Variants in CLEC16A observed in about 807,000 individuals in gnomAD.
The protein encoded by CLEC16A is protein CLEC16A.
Under a neutral mutation model 109.5 loss-of-function variants are expected in CLEC16A, and 51 were observed. That is an observed-to-expected ratio of 0.47 (90% CI 0.37 to 0.59). The LOEUF (loss-of-function observed/expected upper bound fraction) is 0.59. Ranked by LOEUF, CLEC16A falls within the 20% of genes least tolerant of loss-of-function variation. The pLI, the probability that CLEC16A is intolerant of heterozygous loss-of-function variation, is 0.00. For synonymous variants in CLEC16A, 673 were observed against 564.2 expected (o/e 1.19, Z -2.73); for missense variants, 1,339 against 1,394.0 (o/e 0.96, Z 0.63).
At chr16:11,156,074 G>A (rs1351792545) in intron 22 of CLEC16A, among the ~76,000 whole-genome samples, 5 of 152,070 alleles carry the variant, frequency 3.3e-5, no homozygotes, top group African/African-American at 4.8e-5. Flanking sequence ...AGAATCTGGC[G>A]CTCCTGGCCG....
At chr16:11,169,693 G>A (rs1004574337) in intron 23 of CLEC16A, among the ~76,000 whole-genome samples, 7 of 152,174 alleles carry the variant, frequency 4.6e-5, no homozygotes, top group African/African-American at 9.7e-5. Flanking sequence ...TCTAGCCCAC[G>A]GTTTTGAACA....
chr16:11,055,916 C>T (rs1485719945), intron 18 of CLEC16A, among the ~76,000 whole-genome samples: 4 of 152,092 alleles, frequency 2.6e-5, no homozygotes, highest in African/African-American at 4.8e-5. Flanking sequence ...AACCACATCA[C>T]TTATTCTTTC....
chr16:11,110,864 A>C (rs1225274102), intron 19 of CLEC16A, among the ~76,000 whole-genome samples: 1 of 152,272 alleles, frequency 6.6e-6, no homozygotes, highest in African/African-American at 2.4e-5. Flanking sequence ...CCCAGTCTGC[A>C]CAGTGCTAAA....
chr16:11,060,931 CCT>C lies in CLEC16A; in HGVS notation c.2026_2027del (p.Leu676ValfsTer9). On this transcript the variant is annotated frameshift_variant, in exon 19 of 24. Coordinates refer to ENST00000409790, the MANE Select transcript of CLEC16A (RefSeq NM_015226.3). LOFTEE classifies it high-confidence loss of function. Reference sequence around the variant, plus strand: ...TCCGGGTGTTCTTCATGCTGCGTTCCCTGTCACTGCAATTGCGAGGGGAGCCT... The same window carrying C: ...TCCGGGTGTTCTTCATGCTGCGTTCCGTCACTGCAATTGCGAGGGGAGCCT... ...AIRVFFMLRSLSLQLRGEPET... is the reference protein window; with the variant it reads ...AIRVFFMLRSXSLQLRGEPET... 6.2e-7 allele frequency: 1 copy of C among 1,612,360 alleles called. No homozygotes were observed. Among genetic ancestry groups the C allele is most frequent in the Non-Finnish European group, 8.5e-7 (1 of 1,179,252 alleles).
At chr16:11,159,734 G>T (rs926837748) in intron 22 of CLEC16A, among the ~76,000 whole-genome samples, 14 of 126,934 alleles carry the variant, frequency 1.1e-4, no homozygotes, top group African/African-American at 3.9e-4. Context: ...TTTCCCTGTG[G>T]TCTTAGCTCC....
intron 22 of CLEC16A, among the ~76,000 whole-genome samples, chr16:11,132,127 A>C (rs1043861049): frequency 7.9e-5 from 12 of 152,146 alleles, no homozygotes; most frequent in Admixed American, 5.9e-4. Context: ...ATTCAGTGGC[A>C]TTTAGAACCT....
In CLEC16A at chr16:11,003,016, G is replaced by A. The variant is rs978188543; in HGVS notation, c.1072-58G>A. On this transcript the variant is annotated intron_variant, in intron 10 of 23. Coordinates refer to ENST00000409790, the MANE Select transcript of CLEC16A (RefSeq NM_015226.3). The stretch of plus-strand genomic sequence containing the variant: ...ACAGAAACTTTTGGGCAACTTGATA[G>A]CATCCAGCAGGATTCTAGTGTTCAA... The A allele has an allele frequency of 1.0e-5, 14 of 1,399,368 alleles. No individual in the cohort carries two copies. The Admixed American group carries it at 2.2e-4, about 22-fold the overall frequency. The allele number at this position is 1,399,368 out of a possible 1,614,324, so 86.7% of individuals were successfully genotyped here. A position where few individuals can be genotyped will look rare whatever the true frequency, so the allele number is the denominator to read the frequency against.
intron 18 of CLEC16A, among the ~76,000 whole-genome samples, chr16:11,060,177 G>C (rs906398541): frequency 2.0e-5 from 3 of 152,222 alleles, no homozygotes; most frequent in Admixed American, 6.5e-5. Flanking sequence ...TGTGCTGGTG[G>C]ATCCACCTGT....
chr16:10,979,396 T>A lies in CLEC16A; in HGVS notation c.957+14T>A. On this transcript the variant is annotated intron_variant, in intron 9 of 23. Transcript: ENST00000409790. ...CTTCTGTCACAGGTATGCTTGATCA[T>A]TCACCAATGTCCCCACTACATTTGG... 1 of 1,611,758 alleles carries A rather than the reference T, an allele frequency of 6.2e-7. No homozygotes were observed. The highest frequency in any genetic ancestry group is 1.1e-5 in the South Asian group (1 of 90,582).
chr16:10,974,398 A>G (rs2042942358), intron 7 of CLEC16A, among the ~76,000 whole-genome samples: 1 of 152,260 alleles, frequency 6.6e-6, no homozygotes, highest in Admixed American at 6.5e-5. Flanking sequence ...AGGGATGATT[A>G]GAAGTTCCAG....
rs191658415 is a variant in CLEC16A, at chr16:11,178,338, C to A, written c.2810C>A (p.Ala937Asp). 6.2e-7 allele frequency: 1 copy of A among 1,602,576 alleles called. No homozygotes were observed. The highest frequency in any genetic ancestry group is 1.3e-5 in the African/African-American group (1 of 74,730). ...TPSTAQSPAD[A>D]PMSPELPKPH... is the part of the protein sequence containing the mutation. ...CGGTTTTTCTCCCCCAATCCAGATGCCCCCATGAGTCCAGAACTGCCTAAG... is the reference window on the plus strand; with the variant it reads ...CGGTTTTTCTCCCCCAATCCAGATGACCCCATGAGTCCAGAACTGCCTAAG... The change falls in exon 24 of 24, where the codon GCC (alanine) becomes GAC (aspartate). Residue 937 changes from alanine (A) to aspartate (D), a missense_variant. Transcript: ENST00000409790. This position sits in a 1 kb window ranked among gnomAD's most constrained non-coding sequence, Gnocchi z 6.5.
intron 8 of CLEC16A, among the ~76,000 whole-genome samples, chr16:10,978,915 AG>A (rs2043165250): frequency 6.6e-6 from 1 of 152,160 alleles, no homozygotes; most frequent in African/African-American, 2.4e-5. Flanking sequence ...ATTATAAACG[AG>A]GGGCTTTTCC....
chr16:11,022,900 A>G (rs2046196817), intron 12 of CLEC16A, among the ~76,000 whole-genome samples: 2 of 103,980 alleles, frequency 1.9e-5, no homozygotes. Context: ...TTCCATCTCA[A>G]AAATATATAT....
chr16:11,042,662 T>G (rs1217576644), intron 15 of CLEC16A, among the ~76,000 whole-genome samples: 2 of 152,200 alleles, frequency 1.3e-5, no homozygotes, highest in African/African-American at 4.8e-5. Context: ...ATTACAAAAG[T>G]TTTTTTGCAC....
At position 11,061,997 on chromosome 16, in the gene CLEC16A, C is replaced by T. The variant is rs184724302; in HGVS notation, c.2116+975C>T. On this transcript the variant is annotated intron_variant, in intron 19 of 23. Coordinates refer to ENST00000409790, the MANE Select transcript of CLEC16A (RefSeq NM_015226.3). ...AGCCCTGATGGAAAGAGAAGCTTCT[C>T]TTTCCCTTTAATTCTCTAAAGTCTG... is the stretch of plus-strand genomic sequence containing the variant. 2.1e-4 allele frequency among the ~76,000 whole-genome samples: 32 copies of T among 152,358 alleles called. 1 individual carries two copies. The highest frequency in any genetic ancestry group is 2.0e-3 in the Admixed American group (30 of 15,308).
At position 11,089,131 on chromosome 16, in the gene CLEC16A, G is replaced by T. The variant is rs559883001; in HGVS notation, c.2116+28109G>T. On this transcript the variant is annotated intron_variant, in intron 19 of 23. Coordinates refer to ENST00000409790, the MANE Select transcript of CLEC16A (RefSeq NM_015226.3). Reference sequence around the variant, plus strand: ...TGGGTGGATAGCCTCGGGCTGTCTTGTTCACCACGGTCACTCCAGCCCAGC... The same window carrying T: ...TGGGTGGATAGCCTCGGGCTGTCTTTTTCACCACGGTCACTCCAGCCCAGC... Among the ~76,000 whole-genome samples the T allele has an allele frequency of 5.8e-4, 88 of 152,254 alleles. 1 individual carries two copies. The South Asian group carries it at 0.01, about 18-fold the overall frequency.
intron 18 of CLEC16A, among the ~76,000 whole-genome samples, chr16:11,057,195 C>T (rs928488438): frequency 2.0e-5 from 3 of 152,210 alleles, no homozygotes; most frequent in African/African-American, 4.8e-5. Context: ...TAAACTGCTT[C>T]GGCCCTCTTT....
chr16:11,004,760 G>A (rs2044888585), intron 11 of CLEC16A, among the ~76,000 whole-genome samples: 2 of 151,952 alleles, frequency 1.3e-5, no homozygotes, highest in African/African-American at 4.8e-5. Flanking sequence ...ATGTCTCTCT[G>A]GTGCCACCGA....
intron 19 of CLEC16A, among the ~76,000 whole-genome samples, chr16:11,077,419 C>T (rs1353897676): frequency 1.3e-5 from 2 of 149,682 alleles, no homozygotes; most frequent in Non-Finnish European, 3.0e-5. Flanking sequence ...TTACAGTGAG[C>T]CAAGATTGTG....
Sources: gnomAD v4.1 joint callset for allele counts (sites outside exome capture counted in the v4.1 genomes callset) on GRCh38, gnomAD v4.1.1 for gene constraint, Gnocchi (gnomAD v3.1) non-coding constraint, MANE v1.5 for transcripts, NCBI Gene and HGNC (gene_info 2026-07-23, HGNC 2026-07-21) for gene names.